Variants in GOLIM4 observed in about 807,000 individuals in gnomAD.
GOLIM4 encodes the protein 130 kDa golgi-localized phosphoprotein.
GOLIM4 carries 71 observed loss-of-function variants against 107.4 expected under a neutral mutation model. The observed-to-expected ratio is 0.66, with a 90% CI of 0.55 to 0.81. The LOEUF is 0.81. GOLIM4 is among the 30% of genes least tolerant of loss of function. GOLIM4 has a pLI of 0.00. For synonymous variants in GOLIM4, 327 were observed against 294.8 expected (o/e 1.11, Z -1.12); for missense variants, 830 against 826.1 (o/e 1.00, Z -0.06).
At chr3:168,069,721 G>T (rs577341994) in intron 1 of GOLIM4, among the ~76,000 whole-genome samples, 1 of 152,262 alleles carries the variant, frequency 6.6e-6, no homozygotes, top group African/African-American at 2.4e-5. Flanking sequence ...TATGGAAACA[G>T]CAGCCTTTCA....
intron 9 of GOLIM4, 148 bp from the exon 10 acceptor site, chr3:168,030,184 A>T: frequency 1.3e-6 from 1 of 771,072 alleles, no homozygotes; most frequent in Non-Finnish European, 2.0e-6. Flanking sequence ...TGAAGTCCAA[A>T]AACTCCTATT....
chr3:168,042,941 C>G (rs967979799), intron 5 of GOLIM4, among the ~76,000 whole-genome samples: 2 of 152,290 alleles, frequency 1.3e-5, no homozygotes, highest in Non-Finnish European at 1.5e-5. Context: ...AGAACTTGAG[C>G]TTTTTTCAGT....
chr3:168,095,123 C>T lies in GOLIM4; in HGVS notation c.163G>A (p.Glu55Lys). Residue 55 changes from glutamate to lysine, a missense_variant, in exon 1 of 16, where the codon GAG (glutamate) becomes AAG (lysine). Coordinates refer to ENST00000470487, the MANE Select transcript of GOLIM4 (RefSeq NM_014498.5). ...AVALKYQQHQ[E>K]SLSAQLQVVY... is the part of the protein sequence containing the mutation. The stretch of plus-strand genomic sequence containing the variant: ...CCTTGTAACTGGGCGGAGAGGGACT[C>T]CTGGTGCTGCTGGTACTTGAGCGCC... 2 of 1,606,774 alleles carry T rather than the reference C, an allele frequency of 1.2e-6. No individual in the cohort carries two copies.
chr3:168,080,275 A>G (rs1378735661), intron 1 of GOLIM4, among the ~76,000 whole-genome samples: 2 of 152,200 alleles, frequency 1.3e-5, no homozygotes, highest in Non-Finnish European at 2.9e-5. Flanking sequence ...TAACTCTTAA[A>G]TATCTGGTAG....
At chr3:168,027,238 A>T (rs1012036079) in intron 12 of GOLIM4, among the ~76,000 whole-genome samples, 3 of 152,194 alleles carry the variant, frequency 2.0e-5, no homozygotes, top group South Asian at 2.1e-4. Flanking sequence ...ACATATCCTT[A>T]TCCATATATT....
At chr3:168,017,827 T>A (rs1407246158) in intron 14 of GOLIM4, among the ~76,000 whole-genome samples, 2 of 152,186 alleles carry the variant, frequency 1.3e-5, no homozygotes, top group Non-Finnish European at 2.9e-5. Flanking sequence ...CAAAAATTCC[T>A]CTCTCTCTTT....
At chr3:168,080,527 G>A (rs541441730) in intron 1 of GOLIM4, among the ~76,000 whole-genome samples, 10 of 152,234 alleles carry the variant, frequency 6.6e-5, no homozygotes, top group Non-Finnish European at 1.0e-4. Flanking sequence ...CAGCGCAGTC[G>A]CCAAGTCATT....
At position 168,049,243 on chromosome 3, in the gene GOLIM4, G is replaced by A. The variant is rs569191391; in HGVS notation, c.188-878C>T. Among the ~76,000 whole-genome samples the A allele has an allele frequency of 2.0e-5, 3 of 152,204 alleles. No homozygotes were observed. The South Asian group carries it at 6.2e-4, about 32-fold the overall frequency. ...TCCACACCTACAGCAAGCAGAAGCT[G>A]GACAGGAGGGAGAAGCCTTACCTTT... On this transcript the variant is annotated intron_variant, in intron 1 of 15. Transcript: ENST00000470487.
rs1163502899 is a variant in GOLIM4, at chr3:168,013,883, CA to C, written c.1861-3061del. Among the ~76,000 whole-genome samples the C allele has an allele frequency of 3.3e-5, 5 of 151,304 alleles. No individual in the cohort carries two copies. In the South Asian group the frequency reaches 1.1e-3, roughly 32 times the overall value. On this transcript the variant is annotated intron_variant, in intron 14 of 15. Coordinates refer to ENST00000470487, the MANE Select transcript of GOLIM4 (RefSeq NM_014498.5). ...CATACCAGAATCTCTGGGACGCATT[CA>C]AAGCAGTGTGTAGAGGGAAATTTAT...
chr3:168,064,396 C>T (rs1720433981), intron 1 of GOLIM4, among the ~76,000 whole-genome samples: 3 of 152,134 alleles, frequency 2.0e-5, no homozygotes, highest in African/African-American at 7.2e-5. Context: ...TAACAGTGTA[C>T]TTTTCCTATC....
At chr3:168,038,321 T>C (rs1718776149) in intron 7 of GOLIM4, among the ~76,000 whole-genome samples, 1 of 152,220 alleles carries the variant, frequency 6.6e-6, no homozygotes, top group African/African-American at 2.4e-5. Context: ...TTCTTTCTCC[T>C]AGACACATAA....
intron 14 of GOLIM4, among the ~76,000 whole-genome samples, chr3:168,023,405 G>T (rs1459927582): frequency 6.6e-6 from 1 of 152,214 alleles, no homozygotes; most frequent in Non-Finnish European, 1.5e-5. Flanking sequence ...TGTTGCCAGT[G>T]ACCTTAAAGA....
intron 14 of GOLIM4, among the ~76,000 whole-genome samples, chr3:168,017,234 T>A (rs949074456): frequency 2.0e-5 from 3 of 152,036 alleles, no homozygotes; most frequent in Non-Finnish European, 4.4e-5. Context: ...ACACCTGTAA[T>A]CCCAGCACTT....
chr3:168,039,991 G>C (rs1210967082), intron 7 of GOLIM4, among the ~76,000 whole-genome samples: 2 of 152,122 alleles, frequency 1.3e-5, no homozygotes, highest in Non-Finnish European at 2.9e-5. Flanking sequence ...ATTTTATAAA[G>C]AAAAGAAAAC....
At chr3:168,062,579 G>A (rs1313971696) in intron 1 of GOLIM4, among the ~76,000 whole-genome samples, 1 of 152,112 alleles carries the variant, frequency 6.6e-6, no homozygotes, top group Non-Finnish European at 1.5e-5. Flanking sequence ...GTCATGTGGG[G>A]CTAATGTGTC....
intron 1 of GOLIM4, among the ~76,000 whole-genome samples, chr3:168,074,433 A>G (rs1720971508): frequency 6.6e-6 from 1 of 152,218 alleles, no homozygotes; most frequent in Admixed American, 6.5e-5. Flanking sequence ...TGATGAACAG[A>G]CATCAAGGAA....
intron 1 of GOLIM4, among the ~76,000 whole-genome samples, chr3:168,051,521 GTCTTAGAAAAGC>G (rs1719646423): frequency 6.6e-6 from 1 of 152,138 alleles, no homozygotes; most frequent in South Asian, 2.1e-4. Flanking sequence ...AAATTCAAAG[GTCTTAGAAAAGC>G]TGAGAAATAC....
At chr3:168,021,655 C>T (rs1262221805) in intron 14 of GOLIM4, among the ~76,000 whole-genome samples, 2 of 151,750 alleles carry the variant, frequency 1.3e-5, no homozygotes, top group Admixed American at 6.6e-5. Context: ...GACAGTCAGA[C>T]TCTGTCTCAA....
At position 168,036,896 on chromosome 3, in the gene GOLIM4, C is replaced by T. The variant is rs1207750835; in HGVS notation, c.783G>A (p.Val261=). ...TGTTGTAACCTTGTGGAGAATGTGC[C>T]ACCTGGGTCACATTTTGCTGTTCTG... The part of the protein sequence containing the change: ...DPAEQQNVTQ[V]AHSPQGYNTA... Residue 261 remains valine (V), a synonymous_variant, in exon 8 of 16, where the codon GTG becomes GTA. Coordinates refer to ENST00000470487, the MANE Select transcript of GOLIM4 (RefSeq NM_014498.5). 1.2e-6 allele frequency: 2 copies of T among 1,613,866 alleles called. No individual in the cohort carries two copies. Among genetic ancestry groups the T allele is most frequent in the Non-Finnish European group, 1.7e-6 (2 of 1,179,890 alleles).
Sources: gnomAD v4.1 joint callset for allele counts (sites outside exome capture counted in the v4.1 genomes callset) on GRCh38, gnomAD v4.1.1 for gene constraint, MANE v1.5 for transcripts, NCBI Gene and HGNC (gene_info 2026-07-23, HGNC 2026-07-21) for gene names.